MSI1: variants seen among roughly 807,000 people sequenced by gnomAD.
MSI1 encodes the protein RNA-binding protein Musashi homolog 1.
A neutral mutation model predicts 54.4 loss-of-function variants in MSI1; 15 were observed. That is an observed-to-expected ratio of 0.28 (90% CI 0.18 to 0.42). The LOEUF (loss-of-function observed/expected upper bound fraction) is 0.42. Ranked by LOEUF, MSI1 falls within the 20% of genes least tolerant of loss-of-function variation. The pLI, the probability that MSI1 is intolerant of heterozygous loss-of-function variation, is 1.00. For synonymous variants in MSI1, 200 were observed against 196.5 expected (o/e 1.02, Z -0.15); for missense variants, 304 against 506.0 (o/e 0.60, Z 3.83).
At chr12:120,346,412 G>A (rs1474366682) in intron 12 of MSI1, 90 bp from the exon 13 acceptor site, 1 of 1,267,252 alleles carries the variant, frequency 7.9e-7, no homozygotes, top group Non-Finnish European at 1.0e-6. Context: ...ACCCTAACCT[G>A]GACCCCCACA....
intron 14 of MSI1, among the ~76,000 whole-genome samples, chr12:120,344,397 G>A (rs529134055): frequency 1.3e-5 from 2 of 152,314 alleles, no homozygotes; most frequent in African/African-American, 4.8e-5. Flanking sequence ...ATGCTGGGCA[G>A]TGTTCAACTT....
chr12:120,355,321 C>T lies in MSI1; in HGVS notation c.652+1581G>A, dbSNP rs145218745. Among the ~76,000 whole-genome samples the T allele has an allele frequency of 3.9e-3, 582 of 149,686 alleles. 7 individuals carry two copies. Among genetic ancestry groups the T allele is most frequent in the Middle Eastern group, 6.8e-3 (2 of 292 alleles). ...TCGGGAGACTGAGGCAGGAGAATGG[C>T]GTGAACCCAGGAGGCGGAGCTTCCA... On this transcript the variant is annotated intron_variant, in intron 9 of 14. Coordinates refer to ENST00000257552, the MANE Select transcript of MSI1 (RefSeq NM_002442.4).
intron 11 of MSI1, among the ~76,000 whole-genome samples, chr12:120,348,813 C>T (rs1353504400): frequency 6.6e-6 from 1 of 152,056 alleles, no homozygotes; most frequent in Non-Finnish European, 1.5e-5. Flanking sequence ...GAATCGCTTG[C>T]ACCCAGGAGG....
chr12:120,351,154 T>A (rs1353259710), intron 11 of MSI1, among the ~76,000 whole-genome samples, 190 bp downstream of exon 11: 1 of 152,022 alleles, frequency 6.6e-6, no homozygotes, highest in African/African-American at 2.4e-5. Context: ...CTTGGCCCTA[T>A]GCCCCACCCT....
chr12:120,358,981 G>T (rs111990942), intron 7 of MSI1, 24 bp downstream of exon 7: 9 of 1,564,946 alleles, frequency 5.8e-6, no homozygotes, highest in African/African-American at 4.1e-5. Context: ...CCCAGCCTGG[G>T]AAGGGGGAGG....
At chr12:120,352,120 C>T (rs1197694917) in intron 10 of MSI1, among the ~76,000 whole-genome samples, 3 of 151,780 alleles carry the variant, frequency 2.0e-5, no homozygotes, top group East Asian at 1.9e-4. Context: ...TGGGCTCAAG[C>T]GATCCTCCCA....
At chr12:120,347,631 G>T in intron 11 of MSI1, 117 bp from the exon 12 acceptor site, 1 of 1,259,606 alleles carries the variant, frequency 7.9e-7, no homozygotes. Flanking sequence ...AGGGTTCCAT[G>T]TAGCCCCAGG....
At chr12:120,359,140 C>A (rs985877580) in intron 6 of MSI1, 87 bp from the exon 7 acceptor site, 5 of 1,491,742 alleles carry the variant, frequency 3.4e-6, no homozygotes, top group Non-Finnish European at 4.6e-6. Context: ...AACCCACTGC[C>A]CTCTTGCCCA....
intron 9 of MSI1, among the ~76,000 whole-genome samples, chr12:120,356,641 G>C (rs779436054): frequency 6.6e-6 from 1 of 152,226 alleles, no homozygotes; most frequent in Non-Finnish European, 1.5e-5. Context: ...ATGGATGGAC[G>C]AGAGAATGGA....
chr12:120,357,756 T>C, intron 8 of MSI1, 60 bp downstream of exon 8: 1 of 1,556,840 alleles, frequency 6.4e-7, no homozygotes. Context: ...TCTGCCCACC[T>C]CAACCTCCCC....
intron 5 of MSI1, 26 bp downstream of exon 5, chr12:120,364,688 C>T (rs1875907726): frequency 6.4e-6 from 10 of 1,570,430 alleles, no homozygotes; most frequent in Non-Finnish European, 7.8e-6. Context: ...AGTAAGAGAG[C>T]TCCTCCCAGA....
Position 120,363,096 on chromosome 12 carries a change from A to G in MSI1, c.349T>C (p.Ser117Pro). 6.2e-7 allele frequency: 1 copy of G among 1,614,020 alleles called. No individual in the cohort carries two copies. Among genetic ancestry groups the G allele is most frequent in the Non-Finnish European group, 8.5e-7 (1 of 1,179,996 alleles). The stretch of plus-strand genomic sequence containing the variant: ...ACGTCCTCCACCGTGGTGTTCACCG[A>G]CAGCCCCCCCACAAAGATCTTCTTC... ...RTKKIFVGGL[S>P]VNTTVEDVKQ... The change falls in exon 6 of 15, where the codon TCG (serine) becomes CCG (proline). Residue 117 changes from serine to proline, a missense_variant. Physicochemically the swap from Ser to Pro is moderately conservative, Grantham distance 74. Transcript: ENST00000257552.
intron 9 of MSI1, 120 bp downstream of exon 9, chr12:120,356,782 G>T: frequency 2.2e-6 from 2 of 905,990 alleles, no homozygotes; most frequent in Non-Finnish European, 3.5e-6. Flanking sequence ...CCCCACTCCT[G>T]CTCAATGACT....
rs368428620 is a variant in MSI1 at position 120,362,144 on chromosome 12, G to C, written c.402+899C>G. Among the ~76,000 whole-genome samples, 45 of 151,496 alleles carry C rather than the reference G, an allele frequency of 3.0e-4. 2 individuals are homozygous for C. In the East Asian group the frequency reaches 6.9e-3, roughly 23 times the overall value. The stretch of plus-strand genomic sequence containing the variant: ...GTCCCCCACACCACCAGCCTCAGCT[G>C]GCCAGGGGACACCTCCCCCCCCCAC... On this transcript the variant is annotated intron_variant, in intron 6 of 14. Transcript: ENST00000257552.
intron 7 of MSI1, 106 bp downstream of exon 7, chr12:120,358,899 C>T: frequency 1.5e-6 from 2 of 1,312,992 alleles, no homozygotes; most frequent in Non-Finnish European, 2.1e-6. Context: ...GACGCAGATC[C>T]TGGGGGATAG....
intron 12 of MSI1, among the ~76,000 whole-genome samples, chr12:120,347,186 G>A (rs1219630093): frequency 6.6e-6 from 1 of 152,212 alleles, no homozygotes; most frequent in African/African-American, 2.4e-5. Context: ...CTGACCTCAG[G>A]TGATCTGCCC....
Position 120,368,325 on chromosome 12 carries a change from C to T in MSI1, c.101-52G>A, listed in dbSNP as rs562790245. On this transcript the variant is annotated intron_variant, in intron 2 of 14. Coordinates refer to ENST00000257552, the MANE Select transcript of MSI1 (RefSeq NM_002442.4). This position sits in a 1 kb window ranked among gnomAD's most constrained non-coding sequence, Gnocchi z 6.6. Reference sequence around the variant, plus strand: ...CAGCCCGGGCCCCGCGCCCTTCCCCCCCCCCCGTCCTTTGCCCCCGGTGAC... The same window carrying T: ...CAGCCCGGGCCCCGCGCCCTTCCCCTCCCCCCGTCCTTTGCCCCCGGTGAC... The T allele has an allele frequency of 6.2e-6, 9 of 1,457,542 alleles. No homozygotes were observed. The highest frequency in any genetic ancestry group is 5.2e-5 in the East Asian group (2 of 38,820). The allele number at this position is 1,457,542 out of a possible 1,614,324, so 90.3% of individuals were successfully genotyped here.
At chr12:120,357,468 C>T (rs1004749499) in intron 8 of MSI1, among the ~76,000 whole-genome samples, 7 of 152,152 alleles carry the variant, frequency 4.6e-5, no homozygotes, top group East Asian at 1.9e-4. Flanking sequence ...TCTGTGCCTG[C>T]GCTCCATCCA....
chr12:120,359,814 A>G (rs1483054179), intron 6 of MSI1, among the ~76,000 whole-genome samples: 1 of 152,082 alleles, frequency 6.6e-6, no homozygotes, highest in African/African-American at 2.4e-5. Flanking sequence ...CACCTTTGGT[A>G]TAAATCAGGG....
Sources: allele counts gnomAD v4.1 joint callset (sites outside exome capture counted in the v4.1 genomes callset), GRCh38; gene constraint gnomAD v4.1.1; non-coding constraint Gnocchi (gnomAD v3.1); transcripts MANE v1.5; gene names NCBI Gene and HGNC (gene_info 2026-07-23, HGNC 2026-07-21).